The following KLHL20 variants were observed in gnomAD, a reference collection of about 807,000 sequenced individuals.
The protein encoded by KLHL20 is kelch-like protein 20.
Under a neutral mutation model 69.5 loss-of-function variants are expected in KLHL20, and 29 were observed. That is an observed-to-expected ratio of 0.42 (90% CI 0.31 to 0.57). KLHL20 has a LOEUF of 0.57. Ranked by LOEUF, KLHL20 falls within the 20% of genes least tolerant of loss-of-function variation. KLHL20 has a pLI of 0.18. For synonymous variants in KLHL20, 253 were observed against 265.2 expected, an observed-to-expected ratio of 0.95 and a Z score of 0.45; for missense variants, 419 against 776.0, an observed-to-expected ratio of 0.54 and a Z score of 5.47.
chr1:173,756,900 C>T, intron 6 of KLHL20, 76 bp from the exon 7 acceptor site: 1 of 1,390,758 alleles, frequency 7.2e-7, no homozygotes, highest in South Asian at 1.3e-5. Flanking sequence ...CATTAGGTCA[C>T]AGTGAAGTTA....
intron 2 of KLHL20, among the ~76,000 whole-genome samples, chr1:173,731,803 A>T (rs1295708861): frequency 2.0e-5 from 3 of 152,204 alleles, no homozygotes; most frequent in East Asian, 1.9e-4. Context: ...AACATGGCAC[A>T]TGTATACATA....
At chr1:173,726,219 A>G (rs978613878) in intron 2 of KLHL20, among the ~76,000 whole-genome samples, 2 of 152,014 alleles carry the variant, frequency 1.3e-5, no homozygotes, top group Admixed American at 1.3e-4. Context: ...ACCATTGTCC[A>G]GGCTTGAGTA....
chr1:173,745,265 C>T (rs1301532125), intron 3 of KLHL20, among the ~76,000 whole-genome samples: 2 of 147,684 alleles, frequency 1.4e-5, no homozygotes, highest in Non-Finnish European at 3.0e-5. Flanking sequence ...TCCGTTCAAG[C>T]AATTCTCCTG....
At chr1:173,785,068 G>A in intron 11 of KLHL20, 95 bp from the exon 12 acceptor site, 1 of 911,812 alleles carries the variant, frequency 1.1e-6, no homozygotes, top group Non-Finnish European at 1.7e-6. Flanking sequence ...ATAAAACATA[G>A]AAACGTGTTA....
At chr1:173,775,208 T>A (rs1232986322) in intron 9 of KLHL20, among the ~76,000 whole-genome samples, 1 of 152,152 alleles carries the variant, frequency 6.6e-6, no homozygotes, top group Non-Finnish European at 1.5e-5. Context: ...TCTTGTCTTC[T>A]CTTCAGAAGC....
At chr1:173,763,681 C>T (rs1647468160) in intron 7 of KLHL20, among the ~76,000 whole-genome samples, 1 of 151,936 alleles carries the variant, frequency 6.6e-6, no homozygotes, top group South Asian at 2.1e-4. Context: ...ATTAGCTAGC[C>T]ACATGTAAGA....
intron 2 of KLHL20, among the ~76,000 whole-genome samples, chr1:173,731,064 A>G (rs1170300215): frequency 1.3e-5 from 2 of 152,344 alleles, no homozygotes; most frequent in East Asian, 3.9e-4. Context: ...GAGGATATGA[A>G]CAGACACTTC....
rs1672383837 is a variant in KLHL20, at chr1:173,733,592, T to TA, written c.24-121_24-120insA. 4 of 925,070 alleles carry TA rather than the reference T, an allele frequency of 4.3e-6. No homozygotes were observed. In the African/African-American group the frequency reaches 6.7e-5, roughly 15 times the overall value. 57.3% of individuals were successfully genotyped at this position (925,070 alleles called of 1,614,324 possible). A position where few individuals can be genotyped will look rare whatever the true frequency, so the allele number is the denominator to read the frequency against. ...GTGAGACATCATCTCTACAAAAAAT[T>TA]TAAAAAAAAAATCACCAAGCTAATT... is the stretch of plus-strand genomic sequence containing the variant. On this transcript the variant is annotated intron_variant, in intron 2 of 11. Transcript: ENST00000209884.
chr1:173,761,236 A>G (rs2102512976), intron 7 of KLHL20, among the ~76,000 whole-genome samples: 1 of 152,318 alleles, frequency 6.6e-6, no homozygotes, highest in African/African-American at 2.4e-5. Context: ...AACTTATAAA[A>G]CAATTACTAA....
At chr1:173,772,166 T>G (rs183432287) in intron 8 of KLHL20, among the ~76,000 whole-genome samples, 27 of 152,354 alleles carry the variant, frequency 1.8e-4, no homozygotes, top group Non-Finnish European at 2.9e-4. Flanking sequence ...GATTGTATCT[T>G]GAAATTTTAT....
intron 1 of KLHL20, chr1:173,715,786 T>G (rs750671500): frequency 1.7e-4 from 80 of 463,334 alleles, no homozygotes; most frequent in Non-Finnish European, 2.8e-4. Context: ...TTAGCATACT[T>G]TCCCTCACCT....
intron 2 of KLHL20, among the ~76,000 whole-genome samples, chr1:173,730,685 G>A (rs1326674369): frequency 6.6e-6 from 1 of 152,166 alleles, no homozygotes; most frequent in East Asian, 1.9e-4. Context: ...ACCTGAAACT[G>A]GATCCCTTCA....
intron 7 of KLHL20, among the ~76,000 whole-genome samples, chr1:173,760,931 C>T (rs1381731154): frequency 6.6e-6 from 1 of 152,204 alleles, no homozygotes; most frequent in African/African-American, 2.4e-5. Context: ...AAATGCTCCA[C>T]TTAAAAGGTA....
In KLHL20 at chr1:173,774,289, G is replaced by T; in HGVS notation, c.1296-16G>T. Reference sequence around the variant, plus strand: ...TTAATAAGAACAAGCATACAGTCTGGTTTCCCTCACTGCAGGTATGATCCG... The same window carrying T: ...TTAATAAGAACAAGCATACAGTCTGTTTTCCCTCACTGCAGGTATGATCCG... On this transcript the variant is annotated splice_polypyrimidine_tract_variant and intron_variant, in intron 8 of 11. Transcript: ENST00000209884. The T allele has an allele frequency of 6.2e-7, 1 of 1,614,094 alleles. No homozygotes were observed. Among genetic ancestry groups the T allele is most frequent in the Non-Finnish European group, 8.5e-7 (1 of 1,179,990 alleles).
At chr1:173,775,488 A>G in intron 9 of KLHL20, 146 bp from the exon 10 acceptor site, 1 of 677,272 alleles carries the variant, frequency 1.5e-6, no homozygotes. Flanking sequence ...AGTATTGTCC[A>G]GAGGTATACA....
Position 173,782,173 on chromosome 1 carries a change from A to G in KLHL20, c.1688A>G (p.Asp563Gly). The G allele has an allele frequency of 2.5e-6, 4 of 1,614,090 alleles. No individual in the cohort carries two copies. The highest frequency in any genetic ancestry group is 3.4e-6 in the Non-Finnish European group (4 of 1,179,986). The change falls in exon 11 of 12, where the codon GAT becomes GGT. Residue 563 changes from aspartate to glycine, a missense_variant. Asp to Gly is a moderately conservative substitution (Grantham distance 94). This residue lies in a region of KLHL20 where 79 missense variants were observed against 154.4 expected (regional missense o/e 0.51). Transcript: ENST00000209884. ...NGQLMAVGGF[D>G]GTTYLKTIEV... is the part of the protein sequence containing the mutation. ...CAGCTCATGGCAGTAGGAGGTTTTG[A>G]TGGCACAACATACTTGAAGACCATA...
At chr1:173,778,582 A>G (rs950738413) in intron 10 of KLHL20, among the ~76,000 whole-genome samples, 2 of 151,530 alleles carry the variant, frequency 1.3e-5, no homozygotes, top group Non-Finnish European at 2.9e-5. Context: ...CAAGTGATCT[A>G]TTCGCCTCAG....
intron 3 of KLHL20, among the ~76,000 whole-genome samples, chr1:173,740,399 C>A (rs1672748983): frequency 1.3e-5 from 2 of 151,990 alleles, no homozygotes; most frequent in Non-Finnish European, 2.9e-5. Context: ...TGTGAGCCAC[C>A]ATGCCCGGCC....
intron 1 of KLHL20, 66 bp from the exon 2 acceptor site, chr1:173,715,937 A>G (rs983027287): frequency 1.4e-4 from 158 of 1,138,294 alleles, no homozygotes; most frequent in Non-Finnish European, 2.6e-5. Context: ...AAATGATTAT[A>G]TAAAGATTGT....
Sources: gnomAD v4.1 joint callset for allele counts (sites outside exome capture counted in the v4.1 genomes callset) on GRCh38, gnomAD v4.1.1 for gene constraint, gnomAD v4.1.1 regional missense constraint, MANE v1.5 for transcripts, NCBI Gene and HGNC (gene_info 2026-07-23, HGNC 2026-07-21) for gene names.